POLN: variants seen among roughly 807,000 people sequenced by gnomAD.
The protein encoded by POLN is DNA polymerase N.
Under a neutral mutation model 113.5 loss-of-function variants are expected in POLN, and 108 were observed. The observed-to-expected ratio is 0.95, with a 90% CI of 0.81 to 1.12. The LOEUF is 1.12. POLN is among the 50% of genes most tolerant of loss of function. The pLI, the probability that POLN is intolerant of heterozygous loss-of-function variation, is 0.00. For missense variants in POLN, 1,097 were observed against 1,077.1 expected, an observed-to-expected ratio of 1.02 and a Z score of -0.26; for synonymous variants, 386 against 391.5, an observed-to-expected ratio of 0.99 and a Z score of 0.17.
At chr4:2,232,312 A>C (rs538791979) in intron 2 of POLN, 218 of 478,238 alleles carry the variant, frequency 4.6e-4, no homozygotes, top group African/African-American at 4.2e-3. Flanking sequence ...AATCCATAAC[A>C]GGTTTAATAT....
chr4:2,081,303 G>A (rs1485479264), intron 22 of POLN: 4 of 992,326 alleles, frequency 4.0e-6, no homozygotes, highest in Non-Finnish European at 5.9e-6. Flanking sequence ...AGGATGGAAG[G>A]GCCTAGGCCA....
chr4:2,198,720 G>C lies in POLN; in HGVS notation c.715-3C>G, dbSNP rs749514144. ...CCTCTAACAGAAGAAACGGGGGTCT[G>C]TGGAAACACAACAAAATAAATTAAA... On this transcript the variant is annotated splice_region_variant and splice_polypyrimidine_tract_variant and intron_variant, in intron 5 of 25. Coordinates refer to ENST00000511885, the MANE Select transcript of POLN (RefSeq NM_181808.4). The C allele has an allele frequency of 1.3e-6, 2 of 1,594,048 alleles. No homozygotes were observed. Among genetic ancestry groups the C allele is most frequent in the Non-Finnish European group, 1.7e-6 (2 of 1,170,230 alleles).
At chr4:2,156,615 T>C in intron 16 of POLN, 173 bp downstream of exon 16, 1 of 668,332 alleles carries the variant, frequency 1.5e-6, no homozygotes, top group Middle Eastern at 2.4e-4. Flanking sequence ...AGAGAACCCA[T>C]CTGTCTTGTT....
intron 3 of POLN, among the ~76,000 whole-genome samples, chr4:2,225,984 G>C (rs1246920983): frequency 6.6e-6 from 1 of 151,186 alleles, no homozygotes; most frequent in Non-Finnish European, 1.5e-5. Flanking sequence ...GCAAGACCCT[G>C]TCTCGAAAAA....
chr4:2,131,412 T>A (rs1188129554), intron 16 of POLN, 122 bp from the exon 17 acceptor site: 1 of 628,066 alleles, frequency 1.6e-6, no homozygotes, highest in East Asian at 3.0e-5. Flanking sequence ...GTAACATGCA[T>A]AAGCACATTA....
intron 16 of POLN, among the ~76,000 whole-genome samples, chr4:2,137,810 C>T (rs1190745420): frequency 6.6e-6 from 1 of 152,096 alleles, no homozygotes; most frequent in Non-Finnish European, 1.5e-5. Flanking sequence ...ATCTCCAAGA[C>T]TCCATAGAGC....
intron 16 of POLN, among the ~76,000 whole-genome samples, chr4:2,155,991 C>T (rs941690846): frequency 7.9e-5 from 12 of 152,058 alleles, no homozygotes; most frequent in Non-Finnish European, 1.3e-4. Flanking sequence ...CCCGCCACCA[C>T]GCCCAGCTAA....
chr4:2,217,187 A>G (rs1734134138), intron 3 of POLN, among the ~76,000 whole-genome samples: 1 of 152,170 alleles, frequency 6.6e-6, no homozygotes, highest in African/African-American at 2.4e-5. Context: ...AAGAGTTCCA[A>G]ATGTGTTAAC....
chr4:2,198,057 G>T, intron 6 of POLN, among the ~76,000 whole-genome samples: 1 of 152,330 alleles, frequency 6.6e-6, no homozygotes, highest in East Asian at 1.9e-4. Flanking sequence ...GTCCAAAGAG[G>T]TGAGACAGGT....
chr4:2,102,968 C>G (rs547740504), intron 19 of POLN, among the ~76,000 whole-genome samples: 3 of 152,134 alleles, frequency 2.0e-5, no homozygotes, highest in African/African-American at 7.2e-5. Flanking sequence ...AACTGTTACA[C>G]CAGATGTGCA....
chr4:2,240,190 CTTGA>C (rs1734922276), intron 2 of POLN: 1 of 1,614,082 alleles, frequency 6.2e-7, no homozygotes, highest in Non-Finnish European at 8.5e-7. Context: ...TCAAGGATTT[CTTGA>C]TTATCACAAA....
At chr4:2,211,361 T>C (rs1187950381) in intron 4 of POLN, among the ~76,000 whole-genome samples, 1 of 151,578 alleles carries the variant, frequency 6.6e-6, no homozygotes, top group Non-Finnish European at 1.5e-5. Context: ...ATATTTTAAA[T>C]GGTAATGTAA....
At chr4:2,092,238 T>C (rs1730685037) in intron 20 of POLN, among the ~76,000 whole-genome samples, 1 of 152,032 alleles carries the variant, frequency 6.6e-6, no homozygotes, top group African/African-American at 2.4e-5. Flanking sequence ...GGCCTGTGGG[T>C]CACGTGATGA....
At chr4:2,240,123 T>C in intron 2 of POLN, 1 of 1,614,030 alleles carries the variant, frequency 6.2e-7, no homozygotes, top group Non-Finnish European at 8.5e-7. Flanking sequence ...GTGAATTAAC[T>C]GATGTTGAGC....
intron 6 of POLN, among the ~76,000 whole-genome samples, chr4:2,195,039 G>A (rs1195930762): frequency 6.6e-6 from 1 of 152,092 alleles, no homozygotes; most frequent in Non-Finnish European, 1.5e-5. Flanking sequence ...GAGAGAATGT[G>A]AAGGTGAAGG....
intron 19 of POLN, among the ~76,000 whole-genome samples, chr4:2,098,178 C>A (rs1490554060): frequency 6.6e-6 from 1 of 152,110 alleles, no homozygotes; most frequent in Non-Finnish European, 1.5e-5. Context: ...CTTTGGGGGG[C>A]CTAGGTGGAG....
At chr4:2,185,600 G>C (rs1270462400) in intron 7 of POLN, among the ~76,000 whole-genome samples, 1 of 152,118 alleles carries the variant, frequency 6.6e-6, no homozygotes, top group African/African-American at 2.4e-5. Flanking sequence ...TAAAAAATTA[G>C]CCAGGCATGG....
At chr4:2,240,810 T>C (rs1734957457) in intron 2 of POLN, 1 of 1,613,808 alleles carries the variant, frequency 6.2e-7, no homozygotes, top group South Asian at 1.1e-5. Context: ...TTCATTCACA[T>C]TCCCACAAAA....
intron 20 of POLN, among the ~76,000 whole-genome samples, chr4:2,087,832 C>T (rs894859320): frequency 5.3e-5 from 8 of 151,766 alleles, no homozygotes; most frequent in Admixed American, 1.3e-4. Context: ...CTAAGGGGTG[C>T]TATTTTTTTT....
Sources: gnomAD v4.1 joint callset for allele counts (sites outside exome capture counted in the v4.1 genomes callset) on GRCh38, gnomAD v4.1.1 for gene constraint, MANE v1.5 for transcripts, NCBI Gene and HGNC (gene_info 2026-07-23, HGNC 2026-07-21) for gene names.